The following DEPDC5 variants were observed in gnomAD, a reference collection of about 807,000 sequenced individuals.
DEPDC5 encodes the protein DEP domain containing 5, GATOR1 subcomplex subunit, also known as GATOR1 complex protein DEPDC5.
In DEPDC5, 73 loss-of-function variants were observed where a neutral mutation model predicts 217.3. The observed-to-expected ratio is 0.34, with a 90% CI of 0.28 to 0.41. The LOEUF (loss-of-function observed/expected upper bound fraction) is 0.41, where lower values mean the gene tolerates loss of function less well. DEPDC5 is among the 10% of genes least tolerant of loss of function. The probability of loss-of-function intolerance (pLI) is 1.00; values close to 1 mark genes in which losing one functional copy is unlikely to be tolerated. For missense variants in DEPDC5, 1,675 were observed against 2,070.1 expected (o/e 0.81, Z 3.70); for synonymous variants, 733 against 756.7 (o/e 0.97, Z 0.51).
chr22:31,761,364 T>C (rs2082371603), intron 4 of DEPDC5, among the ~76,000 whole-genome samples: 1 of 152,134 alleles, frequency 6.6e-6, no homozygotes, highest in South Asian at 2.1e-4. Flanking sequence ...ATCCCACTTA[T>C]AGGTAAGAAC....
intron 40 of DEPDC5, 34 bp downstream of exon 40, chr22:31,897,687 C>T: frequency 1.9e-6 from 3 of 1,607,310 alleles, no homozygotes; most frequent in Non-Finnish European, 2.6e-6. Flanking sequence ...GTTGTCTCAA[C>T]CAGTAAGACC....
At chr22:31,825,615 G>T (rs529710472) in intron 24 of DEPDC5, among the ~76,000 whole-genome samples, 2 of 152,096 alleles carry the variant, frequency 1.3e-5, no homozygotes, top group South Asian at 2.1e-4. Context: ...CCTCACCTCC[G>T]TTCTCACTGC....
chr22:31,815,354 T>C, intron 21 of DEPDC5, 142 bp downstream of exon 21: 1 of 828,358 alleles, frequency 1.2e-6, no homozygotes, highest in Non-Finnish European at 2.0e-6. Context: ...TACAAATCAC[T>C]TTAGCTGTTA....
At chr22:31,776,481 G>A (rs978287920) in intron 7 of DEPDC5, among the ~76,000 whole-genome samples, 3 of 151,388 alleles carry the variant, frequency 2.0e-5, no homozygotes, top group African/African-American at 7.3e-5. Flanking sequence ...CGTAGTAAGT[G>A]TCACTCAGCT....
intron 24 of DEPDC5, among the ~76,000 whole-genome samples, chr22:31,828,385 G>A (rs2090319211): frequency 2.7e-5 from 4 of 150,428 alleles, no homozygotes; most frequent in Middle Eastern, 3.4e-3. Flanking sequence ...CCGGGAGGCG[G>A]AGGTTGCAGT....
At chr22:31,857,947 A>G in intron 32 of DEPDC5, 1 of 156,092 alleles carries the variant, frequency 6.4e-6, no homozygotes, top group Non-Finnish European at 1.4e-5. Flanking sequence ...TCAGCTACTC[A>G]GAAGGCTGAG....
intron 25 of DEPDC5, 33 bp from the exon 26 acceptor site, chr22:31,836,937 CCA>C (rs770428766): frequency 3.8e-6 from 6 of 1,572,212 alleles, no homozygotes; most frequent in Non-Finnish European, 4.3e-6. Context: ...GCCATGGTGA[CCA>C]CATGTACCTT....
At chr22:31,848,806 G>A (rs916609315) in intron 31 of DEPDC5, among the ~76,000 whole-genome samples, 1 of 152,162 alleles carries the variant, frequency 6.6e-6, no homozygotes, top group African/African-American at 2.4e-5. Context: ...AGGCTGCCAA[G>A]TTTCCAAACT....
intron 38 of DEPDC5, among the ~76,000 whole-genome samples, chr22:31,885,312 G>A (rs2093278775): frequency 6.6e-6 from 1 of 152,168 alleles, no homozygotes; most frequent in Admixed American, 6.6e-5. Flanking sequence ...ATCTGTGTCT[G>A]GTGTCCGTGA....
In DEPDC5 at chr22:31,778,233, C is replaced by A. The variant is rs1436937831; in HGVS notation, c.483+65C>A. The A allele has an allele frequency of 4.6e-6, 7 of 1,528,950 alleles. No homozygotes were observed. In the South Asian group the frequency reaches 6.7e-5, roughly 15 times the overall value. The allele number at this position is 1,528,950 out of a possible 1,614,324, so 94.7% of individuals were successfully genotyped here. On this transcript the variant is annotated intron_variant, in intron 8 of 42. Coordinates refer to ENST00000651528, the MANE Select transcript of DEPDC5 (RefSeq NM_001242896.3). ...TACTATTATGGCTAAGTCCTAAAAT[C>A]AAAAATAAAACAAGGGCGGGGCAGG...
chr22:31,872,904 G>A (rs1197710531), intron 34 of DEPDC5, among the ~76,000 whole-genome samples: 1 of 151,962 alleles, frequency 6.6e-6, no homozygotes, highest in East Asian at 1.9e-4. Flanking sequence ...ACAGGCGCAC[G>A]TCACCATGCC....
At chr22:31,837,508 C>A (rs2091100987) in intron 26 of DEPDC5, among the ~76,000 whole-genome samples, 1 of 151,674 alleles carries the variant, frequency 6.6e-6, no homozygotes, top group South Asian at 2.1e-4. Flanking sequence ...GTGGCAGCAC[C>A]ACATCTAGCT....
chr22:31,763,044 G>A (rs1384725001), intron 4 of DEPDC5, among the ~76,000 whole-genome samples: 1 of 151,828 alleles, frequency 6.6e-6, no homozygotes, highest in Non-Finnish European at 1.5e-5. Context: ...AGGCTGGAAC[G>A]CAATGACATG....
At chr22:31,763,442 T>C (rs912720267) in intron 4 of DEPDC5, among the ~76,000 whole-genome samples, 6 of 151,832 alleles carry the variant, frequency 4.0e-5, no homozygotes, top group Non-Finnish European at 5.9e-5. Flanking sequence ...TTTTTTTTTT[T>C]TCTTTTTCCC....
chr22:31,900,522 T>A (rs1415135466), intron 40 of DEPDC5, among the ~76,000 whole-genome samples: 2 of 151,748 alleles, frequency 1.3e-5, no homozygotes, highest in African/African-American at 4.8e-5. Flanking sequence ...GCAGATCACC[T>A]GAGGTCAGCA....
rs2093753297 is a variant in DEPDC5, at chr22:31,906,098, G to A, written c.4519+32G>A. On this transcript the variant is annotated intron_variant, in intron 42 of 42. Transcript: ENST00000651528. The surrounding 1 kb of genome is among the most constrained non-coding windows in gnomAD (Gnocchi z 5.1). Reference sequence around the variant, plus strand: ...AGCTACGGGCAGAGTTGGGCAGGTGGGTCCACATCCCTTTCCTTGCACCAA... The same window carrying A: ...AGCTACGGGCAGAGTTGGGCAGGTGAGTCCACATCCCTTTCCTTGCACCAA... The A allele has an allele frequency of 6.2e-7, 1 of 1,613,606 alleles. No homozygotes were observed. Among genetic ancestry groups the A allele is most frequent in the Non-Finnish European group, 8.5e-7 (1 of 1,179,764 alleles).
chr22:31,755,867 T>C (rs2075281829), intron 2 of DEPDC5, among the ~76,000 whole-genome samples: 1 of 152,018 alleles, frequency 6.6e-6, no homozygotes, highest in Admixed American at 6.6e-5. Context: ...TATTTTATTT[T>C]ATTATTTATT....
intron 16 of DEPDC5, 96 bp from the exon 17 acceptor site, chr22:31,804,746 A>C (rs9754469): frequency 2.2e-6 from 3 of 1,339,968 alleles, no homozygotes; most frequent in Non-Finnish European, 3.1e-6. Flanking sequence ...AGCCCTAAAA[A>C]ATTTTTTTTA....
At chr22:31,804,008 C>G in intron 15 of DEPDC5, 154 bp from the exon 16 acceptor site, 1 of 657,170 alleles carries the variant, frequency 1.5e-6, no homozygotes, top group East Asian at 2.7e-5. Flanking sequence ...AATGTATTTA[C>G]TTCTTTGTTG....
Sources: gnomAD v4.1 joint callset for allele counts (sites outside exome capture counted in the v4.1 genomes callset) on GRCh38, gnomAD v4.1.1 for gene constraint, Gnocchi (gnomAD v3.1) non-coding constraint, MANE v1.5 for transcripts, NCBI Gene and HGNC (gene_info 2026-07-23, HGNC 2026-07-21) for gene names.